USP54: variants seen among roughly 807,000 people sequenced by gnomAD.
USP54 encodes the protein ubiquitin specific peptidase 54, also known as ubiquitin carboxyl-terminal hydrolase 54.
In USP54, 87 loss-of-function variants were observed where a neutral mutation model predicts 170.5. That is an observed-to-expected ratio of 0.51 (90% CI 0.43 to 0.61). The LOEUF (loss-of-function observed/expected upper bound fraction) is 0.61, where lower values mean the gene tolerates loss of function less well. USP54 is among the 20% of genes least tolerant of loss of function. The probability of loss-of-function intolerance (pLI) is 0.00; values close to 1 mark genes in which losing one functional copy is unlikely to be tolerated. For missense variants in USP54, 1,786 were observed against 2,047.8 expected (o/e 0.87, Z 2.47); for synonymous variants, 655 against 742.8 (o/e 0.88, Z 1.92).
intron 4 of USP54, among the ~76,000 whole-genome samples, chr10:73,569,947 C>G (rs1015366177): frequency 8.8e-6 from 1 of 114,000 alleles, no homozygotes; most frequent in Non-Finnish European, 1.8e-5. Context: ...AAAACACCCT[C>G]CATAGTAATA....
chr10:73,516,480 TCTC>T lies in USP54; in HGVS notation c.3943_3945del (p.Glu1315del), dbSNP rs1448926200. ...TGATACAGAGACTCCAATTCTGAGG[TCTC>T]CTGCTCTGTGTCTTGGTTCCAATGT... On this transcript the variant is annotated inframe_deletion, in exon 20 of 24. Transcript: ENST00000687698. The T allele has an allele frequency of 3.7e-6, 6 of 1,613,916 alleles. No homozygotes were observed. In the Admixed American group the frequency reaches 1.0e-4, roughly 27 times the overall value.
chr10:73,517,591 G>C lies in USP54; in HGVS notation c.2835C>G (p.His945Gln), dbSNP rs761779484. Residue 945 changes from histidine (H) to glutamine (Q), a missense_variant, in exon 20 of 24, where the codon CAC becomes CAG. This residue lies in a region of USP54 where 1,418 missense variants were observed against 1,569.0 expected (regional missense o/e 0.90). Transcript: ENST00000687698. The part of the protein sequence containing the change: ...SLSPESSAPQ[H>Q]SSPSRSALKL... Reference sequence around the variant, plus strand: ...TCAAGGCAGATCTACTGGGGGAGCTGTGCTGTGGGGCAGATGACTCTGGAG... The same window carrying C: ...TCAAGGCAGATCTACTGGGGGAGCTCTGCTGTGGGGCAGATGACTCTGGAG... The C allele has an allele frequency of 5.6e-6, 9 of 1,614,230 alleles. No homozygotes were observed. The highest frequency in any genetic ancestry group is 1.3e-5 in the African/African-American group (1 of 75,064).
chr10:73,520,782 C>G lies in USP54; in HGVS notation c.2482+126G>C. ...AAGGGCAAAAACAGCTAACGCGACT[C>G]AGTTTGGGAGAGCAAGAGTGAGGAG... On this transcript the variant is annotated intron_variant, in intron 18 of 23. Coordinates refer to ENST00000687698, the MANE Select transcript of USP54 (RefSeq NM_001391956.1). 2.2e-6 allele frequency: 3 copies of G among 1,365,506 alleles called. No individual in the cohort carries two copies. The South Asian group carries it at 4.0e-5, about 18-fold the overall frequency. The allele number at this position is 1,365,506 out of a possible 1,614,324, so 84.6% of individuals were successfully genotyped here. A position where few individuals can be genotyped will look rare whatever the true frequency, so the allele number is the denominator to read the frequency against.
intron 10 of USP54, among the ~76,000 whole-genome samples, chr10:73,539,146 G>T (rs1257127105): frequency 6.6e-6 from 1 of 151,620 alleles, no homozygotes; most frequent in African/African-American, 2.4e-5. Context: ...AGGTGTGGTA[G>T]CATGCGCATG....
chr10:73,571,871 T>C (rs1005939548), intron 3 of USP54, among the ~76,000 whole-genome samples: 56 of 152,350 alleles, frequency 3.7e-4, no homozygotes, highest in African/African-American at 1.3e-3. Flanking sequence ...TTAAAACTTA[T>C]ATTAGAAATG....
At position 73,519,812 on chromosome 10, in the gene USP54, A is replaced by G; in HGVS notation, c.2663T>C (p.Leu888Pro). ...SACLPTQAGTLSQPTSEQPIP... is the reference protein window; with the variant it reads ...SACLPTQAGTPSQPTSEQPIP... ...CAAGCACTACCTTGTTGGCTGAGAG[A>G]GAGTCCCCGCCTGTGTTGGGAGGCA... is the stretch of plus-strand genomic sequence containing the variant. Residue 888 changes from leucine to proline, a missense_variant, in exon 19 of 24, where the codon CTC becomes CCC. This residue lies in a region of USP54 where 1,418 missense variants were observed against 1,569.0 expected (regional missense o/e 0.90). Transcript: ENST00000687698. 1.2e-6 allele frequency: 2 copies of G among 1,613,972 alleles called. No individual in the cohort carries two copies. Among genetic ancestry groups the G allele is most frequent in the East Asian group, 2.2e-5 (1 of 44,878 alleles).
At position 73,620,219 on chromosome 10, in the gene USP54, A is replaced by T. The variant is rs1196528628; in HGVS notation, c.-18+5348T>A. On this transcript the variant is annotated intron_variant, in intron 1 of 22. Coordinates refer to the USP54 transcript ENST00000339859. ...TCCCAGCTACTCAGGAGGCTGAGAC[A>T]GGAGAATTGCTTGAACCTGGGAGGC... Among the ~76,000 whole-genome samples, 3 of 149,516 alleles carry T rather than the reference A, an allele frequency of 2.0e-5. 1 individual carries two copies. The highest frequency in any genetic ancestry group is 7.7e-5 in the African/African-American group (3 of 39,146).
chr10:73,622,312 T>G (rs1345289536), intron 1 of USP54, among the ~76,000 whole-genome samples: 1 of 150,458 alleles, frequency 6.6e-6, no homozygotes, highest in East Asian at 1.9e-4. Flanking sequence ...ATTTATTTAT[T>G]TATTTATTTA....
At chr10:73,549,692 G>A (rs1318294413) in intron 4 of USP54, among the ~76,000 whole-genome samples, 1 of 152,102 alleles carries the variant, frequency 6.6e-6, no homozygotes, top group African/African-American at 2.4e-5. Flanking sequence ...TATCAGCCTA[G>A]TCCAAGTCAT....
chr10:73,597,169 G>A (rs547090120), intron 1 of USP54, among the ~76,000 whole-genome samples: 21 of 152,246 alleles, frequency 1.4e-4, no homozygotes, highest in South Asian at 6.2e-4. Context: ...GACATAAAGC[G>A]AACTAACTTT....
At chr10:73,584,289 G>C (rs2077224600) in intron 1 of USP54, among the ~76,000 whole-genome samples, 1 of 152,252 alleles carries the variant, frequency 6.6e-6, no homozygotes, top group East Asian at 1.9e-4. Flanking sequence ...TCGGGAGGCT[G>C]AGGCAGGAGA....
At chr10:73,588,825 G>C (rs924465800) in intron 1 of USP54, among the ~76,000 whole-genome samples, 1 of 152,034 alleles carries the variant, frequency 6.6e-6, no homozygotes, top group Non-Finnish European at 1.5e-5. Context: ...CTCAATCAAC[G>C]AATGCTCCTC....
intron 1 of USP54, among the ~76,000 whole-genome samples, chr10:73,624,042 T>A (rs1350169768): frequency 6.6e-6 from 1 of 151,672 alleles, no homozygotes; most frequent in Non-Finnish European, 1.5e-5. Context: ...GAAAAGCACT[T>A]CTACTTTAAT....
rs984513245 is a variant in USP54, at chr10:73,516,953, C to T, written c.3473G>A (p.Ser1158Asn). Residue 1158 changes from serine to asparagine, a missense_variant, in exon 20 of 24, where the codon AGT becomes AAT. Ser to Asn is a conservative substitution (Grantham distance 46). This residue lies in a region of USP54 where 1,418 missense variants were observed against 1,569.0 expected (regional missense o/e 0.90). Transcript: ENST00000687698. ...TGFKDRSLSGSLRKNSSPSDS... is the reference protein window; with the variant it reads ...TGFKDRSLSGNLRKNSSPSDS... ...AGAAGGGGAAGAGTTCTTCCTTAGA[C>T]TACCTGACAAACTTCTATCCTTGAA... 6.2e-7 allele frequency: 1 copy of T among 1,614,200 alleles called. No homozygotes were observed. The highest frequency in any genetic ancestry group is 1.1e-5 in the South Asian group (1 of 91,086).
intron 16 of USP54, among the ~76,000 whole-genome samples, chr10:73,524,275 G>GAAT (rs1181873280): frequency 1.3e-5 from 2 of 151,276 alleles, no homozygotes; most frequent in Non-Finnish European, 2.9e-5. Context: ...CTTGGGCCAG[G>GAAT]AATAATAATA....
In USP54 at chr10:73,544,284, C is replaced by T. The variant is rs2067264559; in HGVS notation, c.376-1153G>A. On this transcript the variant is annotated intron_variant, in intron 5 of 23. Transcript: ENST00000687698. ...TTTTTCACTTTCCCTTGAGGTCTGT[C>T]CAAGTTGTGTAAATCAATAGTTTCT... is the stretch of plus-strand genomic sequence containing the variant. 2.6e-5 allele frequency among the ~76,000 whole-genome samples: 4 copies of T among 152,108 alleles called. No homozygotes were observed. The South Asian group carries it at 8.3e-4, about 32-fold the overall frequency.
intron 4 of USP54, among the ~76,000 whole-genome samples, chr10:73,559,072 T>C (rs1241393081): frequency 6.6e-6 from 1 of 152,160 alleles, no homozygotes; most frequent in Non-Finnish European, 1.5e-5. Context: ...CGGTTAACTG[T>C]ATTTCAAATT....
chr10:73,619,529 T>C (rs1589424911), intron 1 of USP54, among the ~76,000 whole-genome samples: 1 of 132,356 alleles, frequency 7.6e-6, no homozygotes, highest in African/African-American at 3.3e-5. Context: ...CGAGACTCCA[T>C]CTCAAAAAAA....
chr10:73,505,307 C>T lies in USP54; in HGVS notation c.4170+1G>A, dbSNP rs1330668349. On this transcript the variant is annotated splice_donor_variant, in intron 21 of 23. Transcript: ENST00000687698. LOFTEE classifies it high-confidence loss of function. ...AGCACCTTAGCACCTGAGGCTGCTA[C>T]CTGAGAAGTACGCACTGTTCTGGCT... 6.2e-7 allele frequency: 1 copy of T among 1,612,986 alleles called. No homozygotes were observed. The highest frequency in any genetic ancestry group is 1.3e-5 in the African/African-American group (1 of 74,896).
Sources: gnomAD v4.1 joint callset for allele counts (sites outside exome capture counted in the v4.1 genomes callset) on GRCh38, gnomAD v4.1.1 for gene constraint, gnomAD v4.1.1 regional missense constraint, MANE v1.5 for transcripts, NCBI Gene and HGNC (gene_info 2026-07-23, HGNC 2026-07-21) for gene names.